TLE1: variants seen among roughly 807,000 people sequenced by gnomAD.
TLE1 encodes transducin-like enhancer protein 1.
TLE1 carries 21 observed loss-of-function variants against 89.8 expected under a neutral mutation model. That is an observed-to-expected ratio of 0.23 (90% confidence interval 0.17 to 0.34). The LOEUF (loss-of-function observed/expected upper bound fraction) is 0.34, where lower values mean the gene tolerates loss of function less well. Among genes scored for constraint, TLE1 ranks in the 10% least tolerant of loss-of-function variants. The probability of loss-of-function intolerance (pLI) is 1.00; values close to 1 mark genes in which losing one functional copy is unlikely to be tolerated. For missense variants in TLE1, 795 were observed against 1,031.2 expected (o/e 0.77, Z 3.14); for synonymous variants, 447 against 407.6 (o/e 1.10, Z -1.16).
intron 1 of TLE1, 49 bp downstream of exon 1, chr9:81,688,168 C>CGCCT: frequency 6.3e-7 from 1 of 1,599,410 alleles, no homozygotes; most frequent in South Asian, 1.1e-5. Flanking sequence ...CCGGGAGAAG[C>CGCCT]GCCTCCCCAA....
intron 4 of TLE1, 108 bp downstream of exon 4, chr9:81,685,568 T>C (rs946974949): frequency 7.3e-6 from 8 of 1,088,858 alleles, no homozygotes; most frequent in Admixed American, 5.2e-5. Flanking sequence ...GGCAGAAAAA[T>C]AGCATACAAA....
chr9:81,589,644 G>T (rs1829191381), intron 16 of TLE1, among the ~76,000 whole-genome samples: 1 of 152,146 alleles, frequency 6.6e-6, no homozygotes, highest in Admixed American at 6.5e-5. Context: ...TGAGCCTCAG[G>T]CACTTCCTCT....
At chr9:81,637,143 AG>A (rs1203994848) in intron 6 of TLE1, among the ~76,000 whole-genome samples, 1 of 152,162 alleles carries the variant, frequency 6.6e-6, no homozygotes, top group Non-Finnish European at 1.5e-5. Flanking sequence ...GTAACACTTG[AG>A]GTCAGGAGTT....
Position 81,611,853 on chromosome 9 carries a change from G to A in TLE1, c.1170C>T (p.Ala390=), listed in dbSNP as rs775662773. The part of the protein sequence containing the change: ...MNGELTSPGA[A]YASLHNMSPQ... ...GCGACATGTTGTGTAAACTGGCGTA[G>A]GCAGCGCCTGGGCTGGTCAGCTCGC... The change falls in exon 13 of 20, where the codon GCC becomes GCT. Residue 390 remains alanine (A), a synonymous_variant. Coordinates refer to ENST00000376499, the MANE Select transcript of TLE1 (RefSeq NM_005077.5). 6.4e-7 allele frequency: 1 copy of A among 1,563,626 alleles called. No homozygotes were observed. Among genetic ancestry groups the A allele is most frequent in the Non-Finnish European group, 8.6e-7 (1 of 1,158,972 alleles).
chr9:81,584,309 G>C lies in TLE1; in HGVS notation c.2206-4C>G. The C allele has an allele frequency of 6.2e-7, 1 of 1,613,740 alleles. No homozygotes were observed. Among genetic ancestry groups the C allele is most frequent in the Non-Finnish European group, 8.5e-7 (1 of 1,179,670 alleles). ...GCACTGACGAGGACTCTTTGGACTG[G>C]AAGAGAAAACAATGGACATGTGTTT... On this transcript the variant is annotated splice_region_variant and splice_polypyrimidine_tract_variant and intron_variant, in intron 19 of 19. Coordinates refer to ENST00000376499, the MANE Select transcript of TLE1 (RefSeq NM_005077.5).
chr9:81,622,214 C>T (rs890797115), intron 8 of TLE1, among the ~76,000 whole-genome samples: 10 of 152,318 alleles, frequency 6.6e-5, no homozygotes, highest in Non-Finnish European at 1.3e-4. Flanking sequence ...TAGTTTACTT[C>T]AGCCCCGAGG....
chr9:81,621,183 C>T (rs1007563282), intron 8 of TLE1, among the ~76,000 whole-genome samples: 1 of 152,182 alleles, frequency 6.6e-6, no homozygotes, highest in African/African-American at 2.4e-5. Flanking sequence ...GCAAGGCCAG[C>T]TCCCACACAC....
chr9:81,686,943 A>C (rs972093600), intron 2 of TLE1, among the ~76,000 whole-genome samples: 1 of 152,184 alleles, frequency 6.6e-6, no homozygotes, highest in Admixed American at 6.5e-5. Flanking sequence ...TAGTATGGCA[A>C]ACAGCGATTT....
intron 6 of TLE1, among the ~76,000 whole-genome samples, chr9:81,641,328 C>T (rs1289602512): frequency 6.6e-6 from 1 of 152,166 alleles, no homozygotes; most frequent in African/African-American, 2.4e-5. Flanking sequence ...CGCAAAACCT[C>T]CCATTATGTG....
chr9:81,669,994 C>A (rs898320520), intron 4 of TLE1, among the ~76,000 whole-genome samples: 1 of 152,164 alleles, frequency 6.6e-6, no homozygotes, highest in Admixed American at 6.5e-5. Context: ...TGTTCCCAGA[C>A]GGGCTTTAAG....
intron 4 of TLE1, among the ~76,000 whole-genome samples, chr9:81,663,543 A>G (rs1831081139): frequency 6.6e-6 from 1 of 152,116 alleles, no homozygotes; most frequent in South Asian, 2.1e-4. Context: ...CAAAGGGACT[A>G]CAGAAAGTGC....
At position 81,672,728 on chromosome 9, in the gene TLE1, T is replaced by C. The variant is rs1588210201; in HGVS notation, c.234+12948A>G. 2.0e-5 allele frequency among the ~76,000 whole-genome samples: 3 copies of C among 152,284 alleles called. No homozygotes were observed. In the East Asian group the frequency reaches 5.8e-4, roughly 29 times the overall value. ...TTGACCCTCTAATTCCATACCCTGC[T>C]TGTTTTCAAAATGACAAATTTTCCA... On this transcript the variant is annotated intron_variant, in intron 4 of 19. Transcript: ENST00000376499.
At chr9:81,590,763 C>T in intron 16 of TLE1, 42 bp downstream of exon 16, 1 of 1,596,446 alleles carries the variant, frequency 6.3e-7, no homozygotes, top group Non-Finnish European at 8.6e-7. Flanking sequence ...GGCCCAGCTG[C>T]TAAAGAAGCG....
chr9:81,671,382 C>A (rs1832201597), intron 4 of TLE1, among the ~76,000 whole-genome samples: 1 of 152,002 alleles, frequency 6.6e-6, no homozygotes, highest in African/African-American at 2.4e-5. Context: ...CATGGTGGCT[C>A]ATACCTGTAA....
chr9:81,648,248 G>A (rs530208178), intron 6 of TLE1, among the ~76,000 whole-genome samples: 1 of 143,958 alleles, frequency 6.9e-6, no homozygotes, highest in Non-Finnish European at 1.5e-5. Flanking sequence ...ACTCCAGCCT[G>A]GGTTACAGAG....
chr9:81,642,809 C>T (rs1828320793), intron 6 of TLE1, among the ~76,000 whole-genome samples: 4 of 152,118 alleles, frequency 2.6e-5, no homozygotes, highest in Admixed American at 2.0e-4. Flanking sequence ...TCACGAGAGC[C>T]AAGATACCGA....
At chr9:81,641,336 G>A (rs1353391816) in intron 6 of TLE1, among the ~76,000 whole-genome samples, 2 of 152,164 alleles carry the variant, frequency 1.3e-5, no homozygotes, top group Non-Finnish European at 2.9e-5. Flanking sequence ...CTCCCATTAT[G>A]TGAATGGCCT....
At chr9:81,680,973 G>C (rs966040968) in intron 4 of TLE1, among the ~76,000 whole-genome samples, 4 of 149,478 alleles carry the variant, frequency 2.7e-5, no homozygotes, top group South Asian at 4.2e-4. Flanking sequence ...ATTTGCAAAA[G>C]AGTAAAAGAA....
Position 81,630,124 on chromosome 9 carries a change from GACAA to G in TLE1, c.594+3220_594+3223del, listed in dbSNP as rs1364711420. Among the ~76,000 whole-genome samples, 6 of 150,954 alleles carry G rather than the reference GACAA, an allele frequency of 4.0e-5. No homozygotes were observed. In the East Asian group the frequency reaches 5.8e-4, roughly 15 times the overall value. On this transcript the variant is annotated intron_variant, in intron 8 of 19. Transcript: ENST00000376499. ...ATAAATAATATGTTCAATATAGAAA[GACAA>G]ACAAGAAGAAAAAAAAAAACAGTAA...
Sources: allele counts gnomAD v4.1 joint callset (sites outside exome capture counted in the v4.1 genomes callset), GRCh38; gene constraint gnomAD v4.1.1; transcripts MANE v1.5; gene names NCBI Gene and HGNC (gene_info 2026-07-23, HGNC 2026-07-21).